The following CDH13 variants were observed in gnomAD, a reference collection of about 807,000 sequenced individuals.
CDH13 encodes the protein cadherin-13.
In CDH13, 24 loss-of-function variants were observed where a neutral mutation model predicts 63.8. The ratio of observed to expected loss-of-function variants is 0.38; its 90% confidence interval spans 0.27 to 0.53. The LOEUF is 0.53. Among genes scored for constraint, CDH13 ranks in the 20% least tolerant of loss-of-function variants. The pLI, the probability that CDH13 is intolerant of heterozygous loss-of-function variation, is 0.85. For synonymous variants in CDH13, 503 were observed against 355.3 expected, an observed-to-expected ratio of 1.42 and a Z score of -4.67; for missense variants, 1,049 against 903.1, an observed-to-expected ratio of 1.16 and a Z score of -2.07.
chr16:83,026,223 C>T (rs533052833), intron 2 of CDH13, among the ~76,000 whole-genome samples: 5 of 152,294 alleles, frequency 3.3e-5, no homozygotes, highest in Admixed American at 2.0e-4. Flanking sequence ...CCCAAGGGGG[C>T]CATGTTGGGG....
intron 4 of CDH13, among the ~76,000 whole-genome samples, chr16:83,196,512 G>A (rs184537983): frequency 1.6e-4 from 25 of 152,172 alleles, no homozygotes; most frequent in Middle Eastern, 3.4e-3. Context: ...TATAGACTAG[G>A]AGAAAATACT....
chr16:83,176,244 G>C (rs2038118091), intron 4 of CDH13, among the ~76,000 whole-genome samples: 1 of 151,274 alleles, frequency 6.6e-6, no homozygotes, highest in Non-Finnish European at 1.5e-5. Flanking sequence ...ACGCTTGGTG[G>C]CTCACGCCTG....
intron 2 of CDH13, among the ~76,000 whole-genome samples, chr16:83,016,361 T>C (rs1914794444): frequency 6.6e-6 from 1 of 152,094 alleles, no homozygotes; most frequent in Non-Finnish European, 1.5e-5. Flanking sequence ...AGGAGGTAAA[T>C]GAATTAATTG....
chr16:83,452,062 C>G (rs1000210908), intron 6 of CDH13, among the ~76,000 whole-genome samples: 2 of 152,064 alleles, frequency 1.3e-5, no homozygotes, highest in Admixed American at 1.3e-4. Flanking sequence ...CCGGTCAGCC[C>G]TAATGTCACA....
At chr16:83,700,226 T>G (rs1824655285) in intron 10 of CDH13, among the ~76,000 whole-genome samples, 1 of 152,186 alleles carries the variant, frequency 6.6e-6, no homozygotes, top group Admixed American at 6.5e-5. Context: ...GCACAATTAT[T>G]GTGGGATTCA....
chr16:83,323,174 T>TCTTTTCTTTCTTTC (rs1555530162), intron 5 of CDH13, among the ~76,000 whole-genome samples: 61 of 82,290 alleles, frequency 7.4e-4, no homozygotes, highest in African/African-American at 9.0e-4. Context: ...TCTCTTTCTT[T>TCTTTTCTTTCTTTC]TTTCTTTCTT....
chr16:82,832,153 A>G (rs951952006), intron 1 of CDH13, among the ~76,000 whole-genome samples: 1 of 152,240 alleles, frequency 6.6e-6, no homozygotes, highest in Non-Finnish European at 1.5e-5. Context: ...CCCTAAATGC[A>G]TTAAGAGTCA....
chr16:82,785,852 A>T (rs748845006), intron 1 of CDH13, among the ~76,000 whole-genome samples: 1 of 152,216 alleles, frequency 6.6e-6, no homozygotes, highest in Non-Finnish European at 1.5e-5. Context: ...AGTTACTTCT[A>T]TATAGAAGGG....
intron 7 of CDH13, among the ~76,000 whole-genome samples, chr16:83,546,881 T>G (rs899015731): frequency 6.6e-6 from 1 of 152,212 alleles, no homozygotes; most frequent in Non-Finnish European, 1.5e-5. Flanking sequence ...TCTCTTTGCA[T>G]CTGGCACACA....
chr16:83,790,120 C>T (rs1916163307), intron 13 of CDH13: 4 of 152,314 alleles, frequency 2.6e-5, no homozygotes, highest in East Asian at 1.9e-4. Context: ...GGCAGTTGTC[C>T]CATTTTCTAG....
At chr16:83,461,020 C>CACACACAG in intron 6 of CDH13, among the ~76,000 whole-genome samples, 1 of 151,102 alleles carries the variant, frequency 6.6e-6, no homozygotes, top group Non-Finnish European at 1.5e-5. Context: ...CACACACACA[C>CACACACAG]AGAACAAACA....
intron 1 of CDH13, among the ~76,000 whole-genome samples, chr16:82,769,658 A>G (rs1309494419): frequency 6.6e-6 from 1 of 152,228 alleles, no homozygotes; most frequent in Non-Finnish European, 1.5e-5. Flanking sequence ...TGAGGAGGAT[A>G]GGAGCAATTC....
At chr16:82,832,583 C>A (rs56049304) in intron 1 of CDH13, among the ~76,000 whole-genome samples, 1 of 145,472 alleles carries the variant, frequency 6.9e-6, no homozygotes, top group African/African-American at 2.5e-5. Context: ...ATTTATAAAT[C>A]ATGTGCAAGA....
chr16:83,027,112 C>CA (rs1396787925), intron 2 of CDH13, among the ~76,000 whole-genome samples: 4 of 144,296 alleles, frequency 2.8e-5, no homozygotes, highest in Non-Finnish European at 4.6e-5. Context: ...ACCCCCCCCC[C>CA]CCACCGCCCC....
At chr16:82,980,812 T>C (rs899169187) in intron 2 of CDH13, among the ~76,000 whole-genome samples, 4 of 152,184 alleles carry the variant, frequency 2.6e-5, no homozygotes, top group African/African-American at 9.7e-5. Context: ...CAAGAAAATA[T>C]CTGTTTGTTT....
At chr16:83,761,848 C>G (rs1052400543) in intron 11 of CDH13, among the ~76,000 whole-genome samples, 1 of 152,140 alleles carries the variant, frequency 6.6e-6, no homozygotes, top group Non-Finnish European at 1.5e-5. Flanking sequence ...AGGTGGGTCA[C>G]TTAAGGTCAG....
At chr16:82,906,630 C>T (rs2151255372) in intron 2 of CDH13, among the ~76,000 whole-genome samples, 1 of 152,272 alleles carries the variant, frequency 6.6e-6, no homozygotes, top group East Asian at 1.9e-4. Context: ...GCTGGAGTAA[C>T]AGATTACCAC....
chr16:83,099,830 C>T (rs1385683405), intron 3 of CDH13, among the ~76,000 whole-genome samples: 5 of 152,100 alleles, frequency 3.3e-5, no homozygotes, highest in African/African-American at 4.8e-5. Context: ...CTCAGCATAG[C>T]GCCAGACGCG....
chr16:83,258,593 T>C (rs1038605276), intron 5 of CDH13, among the ~76,000 whole-genome samples: 2 of 152,202 alleles, frequency 1.3e-5, no homozygotes, highest in Non-Finnish European at 2.9e-5. Flanking sequence ...CTGCGGACCA[T>C]TGGCACTTTT....
Sources: allele counts gnomAD v4.1 joint callset (sites outside exome capture counted in the v4.1 genomes callset), GRCh38; gene constraint gnomAD v4.1.1; transcripts MANE v1.5; gene names NCBI Gene and HGNC (gene_info 2026-07-23, HGNC 2026-07-21).